ZNF385D: variants seen among roughly 807,000 people sequenced by gnomAD.
ZNF385D encodes the protein zinc finger protein 659.
ZNF385D carries 15 observed loss-of-function variants against 35.8 expected under a neutral mutation model. The ratio of observed to expected loss-of-function variants is 0.42; its 90% CI spans 0.28 to 0.64. The LOEUF is 0.64. Among genes scored for constraint, ZNF385D ranks in the 30% least tolerant of loss-of-function variants. The pLI, the probability that ZNF385D is intolerant of heterozygous loss-of-function variation, is 0.23. For missense variants in ZNF385D, 474 were observed against 494.6 expected (o/e 0.96, Z 0.39); for synonymous variants, 212 against 186.8 (o/e 1.13, Z -1.10).
At chr3:21,684,037 T>G (rs916936948) in intron 1 of ZNF385D, among the ~76,000 whole-genome samples, 2 of 149,862 alleles carry the variant, frequency 1.3e-5, no homozygotes, top group South Asian at 2.1e-4. Flanking sequence ...GGCACCAAGT[T>G]TCTGGTAATT....
At position 21,446,549 on chromosome 3, in the gene ZNF385D, G is replaced by A. The variant is rs567609388; in HGVS notation, c.440-9346C>T. 4.7e-3 allele frequency among the ~76,000 whole-genome samples: 629 copies of A among 133,716 alleles called. 4 individuals carry two copies. The highest frequency in any genetic ancestry group is 0.017 in the African/African-American group (583 of 34,048). The allele number at this position is 133,716 out of a possible 152,430, so 87.7% of individuals were successfully genotyped here. A position where few individuals can be genotyped will look rare whatever the true frequency, so the allele number is the denominator to read the frequency against. ...CACTCTATCATGCAGGCTGGAGTGC[G>A]GTGGCACCATCTCAGCTCACTGCAA... On this transcript the variant is annotated intron_variant, in intron 4 of 7. Transcript: ENST00000281523.
intron 3 of ZNF385D, among the ~76,000 whole-genome samples, chr3:22,144,373 A>T (rs1704711447): frequency 6.6e-6 from 1 of 152,086 alleles, no homozygotes; most frequent in African/African-American, 2.4e-5. Flanking sequence ...CAGGAGTTTG[A>T]GACTAGCCTG....
At position 21,927,884 on chromosome 3, in the gene ZNF385D, C is replaced by T. The variant is rs1020464816; in HGVS notation, c.325+240933G>A. Among the ~76,000 whole-genome samples the T allele has an allele frequency of 3.3e-5, 5 of 152,030 alleles. No individual in the cohort carries two copies. In the East Asian group the frequency reaches 5.8e-4, roughly 18 times the overall value. On this transcript the variant is annotated intron_variant, in intron 3 of 5. Coordinates refer to the ZNF385D transcript ENST00000494108. ...GTTGCAGACATCAATATACCACTCT[C>T]GATAACAGCACAACTAGACAGAAAA...
At chr3:22,281,219 C>T (rs922375481) in intron 2 of ZNF385D, among the ~76,000 whole-genome samples, 1 of 152,060 alleles carries the variant, frequency 6.6e-6, no homozygotes, top group East Asian at 1.9e-4. Flanking sequence ...AGTTTGGATA[C>T]CCTTTCTTTC....
chr3:21,459,832 AAGAC>A (rs1703053512), intron 4 of ZNF385D, among the ~76,000 whole-genome samples: 1 of 152,200 alleles, frequency 6.6e-6, no homozygotes, highest in African/African-American at 2.4e-5. Flanking sequence ...AAGGATAACT[AAGAC>A]AATATTCAAT....
chr3:21,781,314 T>C (rs1324761346), intron 3 of ZNF385D, among the ~76,000 whole-genome samples: 1 of 152,104 alleles, frequency 6.6e-6, no homozygotes, highest in Non-Finnish European at 1.5e-5. Context: ...TCTAAACCTC[T>C]TGCCTATGTA....
chr3:22,294,483 A>T, intron 2 of ZNF385D, among the ~76,000 whole-genome samples: 1 of 152,134 alleles, frequency 6.6e-6, no homozygotes, highest in East Asian at 1.9e-4. Context: ...TATAATGGGT[A>T]TTATATATCA....
chr3:21,488,712 T>TA (rs759408902), intron 4 of ZNF385D, among the ~76,000 whole-genome samples: 11 of 152,194 alleles, frequency 7.2e-5, no homozygotes, highest in East Asian at 3.9e-4. Flanking sequence ...GAAATGGCAT[T>TA]AAAAAAATGG....
intron 3 of ZNF385D, among the ~76,000 whole-genome samples, chr3:21,809,589 G>T (rs908399764): frequency 6.7e-6 from 1 of 149,834 alleles, no homozygotes; most frequent in Non-Finnish European, 1.5e-5. Flanking sequence ...AATATACAAT[G>T]ATATATATAT....
chr3:21,739,244 A>G (rs1038178704), intron 1 of ZNF385D, among the ~76,000 whole-genome samples: 1 of 152,052 alleles, frequency 6.6e-6, no homozygotes. Flanking sequence ...TTGCTATCAC[A>G]CTCCATAAAC....
At position 21,414,789 on chromosome 3, in the gene ZNF385D, C is replaced by G. The variant is rs368414762; in HGVS notation, c.*6425G>C. On this transcript the variant is annotated 3_prime_UTR_variant, in exon 8 of 8. Transcript: ENST00000281523. ...TTTTCGCCAATATCCAGTACTTCCA[C>G]ACATTTTTCTATAATCCATTTAAAA... 6.6e-6 allele frequency: 1 copy of G among 152,090 alleles called. No individual in the cohort carries two copies. Among genetic ancestry groups the G allele is most frequent in the Non-Finnish European group, 1.5e-5 (1 of 68,008 alleles). The allele number at this position is 152,090 out of a possible 1,614,324, so 9.4% of individuals were successfully genotyped here.
intron 4 of ZNF385D, among the ~76,000 whole-genome samples, chr3:21,487,494 C>A (rs1015927645): frequency 6.6e-6 from 1 of 152,060 alleles, no homozygotes; most frequent in Admixed American, 6.6e-5. Context: ...ACACTATAAT[C>A]TTCCTCATTG....
At chr3:21,746,673 T>C (rs961784058) in intron 1 of ZNF385D, among the ~76,000 whole-genome samples, 3 of 152,216 alleles carry the variant, frequency 2.0e-5, no homozygotes, top group African/African-American at 7.2e-5. Flanking sequence ...TTCGGGGAGA[T>C]AGAAACAGTG....
At chr3:22,244,173 TA>T (rs1035664148) in intron 2 of ZNF385D, among the ~76,000 whole-genome samples, 6 of 150,388 alleles carry the variant, frequency 4.0e-5, no homozygotes, top group Admixed American at 6.6e-5. Flanking sequence ...TAAGGGGATT[TA>T]AAAAAAGCCA....
At chr3:22,323,257 C>T (rs1330170379) in intron 2 of ZNF385D, among the ~76,000 whole-genome samples, 1 of 152,166 alleles carries the variant, frequency 6.6e-6, no homozygotes, top group Non-Finnish European at 1.5e-5. Context: ...GGATCTCTCC[C>T]TTCCTGACCC....
chr3:22,286,674 A>G (rs1267268013), intron 2 of ZNF385D, among the ~76,000 whole-genome samples: 1 of 152,068 alleles, frequency 6.6e-6, no homozygotes, highest in African/African-American at 2.4e-5. Flanking sequence ...AGTATGTTTC[A>G]TTTCCATATA....
At chr3:21,974,583 A>G (rs1703475047) in intron 3 of ZNF385D, among the ~76,000 whole-genome samples, 1 of 152,152 alleles carries the variant, frequency 6.6e-6, no homozygotes, top group Non-Finnish European at 1.5e-5. Flanking sequence ...GGTTCACATC[A>G]AGTAAACAGC....
At chr3:22,192,550 T>G (rs1455557741) in intron 2 of ZNF385D, among the ~76,000 whole-genome samples, 1 of 152,150 alleles carries the variant, frequency 6.6e-6, no homozygotes, top group Non-Finnish European at 1.5e-5. Context: ...CCAGCTGCCA[T>G]GTTGTGAAGA....
intron 3 of ZNF385D, among the ~76,000 whole-genome samples, chr3:22,162,827 C>CAG (rs758266000): frequency 6.6e-6 from 1 of 152,114 alleles, no homozygotes; most frequent in Non-Finnish European, 1.5e-5. Context: ...GATGAACCTT[C>CAG]AGAGAGAGAG....
Sources: gnomAD v4.1 joint callset for allele counts (sites outside exome capture counted in the v4.1 genomes callset) on GRCh38, gnomAD v4.1.1 for gene constraint, MANE v1.5 for transcripts, NCBI Gene and HGNC (gene_info 2026-07-23, HGNC 2026-07-21) for gene names.